Variants in FCHSD2 observed in about 807,000 individuals in gnomAD.
FCHSD2 encodes the protein FCH and double SH3 domains 2, also known as F-BAR and double SH3 domains protein 2.
Under a neutral mutation model 108.1 loss-of-function variants are expected in FCHSD2, and 38 were observed. The ratio of observed to expected loss-of-function variants is 0.35; its 90% confidence interval spans 0.27 to 0.46. FCHSD2 has a LOEUF of 0.46. Among genes scored for constraint, FCHSD2 ranks in the 20% least tolerant of loss-of-function variants. FCHSD2 has a pLI of 1.00. For synonymous variants in FCHSD2, 279 were observed against 314.7 expected (o/e 0.89, Z 1.20); for missense variants, 751 against 897.8 (o/e 0.84, Z 2.09).
intron 9 of FCHSD2, 41 bp downstream of exon 9, chr11:72,921,787 T>C (rs771131779): frequency 6.4e-7 from 1 of 1,555,738 alleles, no homozygotes; most frequent in South Asian, 1.1e-5. Flanking sequence ...CTTTAGCTTC[T>C]AAGTTGGATA....
intron 10 of FCHSD2, among the ~76,000 whole-genome samples, chr11:72,893,792 A>G: frequency 6.6e-6 from 1 of 152,320 alleles, no homozygotes; most frequent in South Asian, 2.1e-4. Context: ...AAATATTACA[A>G]TAAAGTCTTT....
intron 3 of FCHSD2, among the ~76,000 whole-genome samples, chr11:73,051,379 T>C (rs992190876): frequency 4.6e-5 from 7 of 152,180 alleles, no homozygotes; most frequent in Admixed American, 2.0e-4. Context: ...TAATCTGTCA[T>C]TGTGTCATTT....
rs1856907767 is a variant in FCHSD2, at chr11:72,966,407, G to A, written c.705+17681C>T. On this transcript the variant is annotated intron_variant, in intron 8 of 19. Coordinates refer to ENST00000409418, the MANE Select transcript of FCHSD2 (RefSeq NM_014824.3). ...ACTCCTGATCTCAAGTGATCCTCCT[G>A]CTTCGGCTTCCCAAAGTGCTGGGAT... Among the ~76,000 whole-genome samples the A allele has an allele frequency of 2.6e-5, 4 of 152,114 alleles. No homozygotes were observed. In the South Asian group the frequency reaches 8.3e-4, roughly 32 times the overall value.
chr11:73,008,460 G>A (rs1481384480), intron 4 of FCHSD2, among the ~76,000 whole-genome samples: 3 of 152,164 alleles, frequency 2.0e-5, no homozygotes, highest in African/African-American at 7.2e-5. Flanking sequence ...AGTAGAAAGG[G>A]AGAATATCCT....
intron 3 of FCHSD2, among the ~76,000 whole-genome samples, chr11:73,033,206 T>G (rs998324355): frequency 6.6e-6 from 1 of 150,474 alleles, no homozygotes; most frequent in Non-Finnish European, 1.5e-5. Flanking sequence ...GAGAATGGCA[T>G]AAACCCGGGA....
At chr11:72,999,500 A>C (rs1377308167) in intron 5 of FCHSD2, among the ~76,000 whole-genome samples, 1 of 151,698 alleles carries the variant, frequency 6.6e-6, no homozygotes, top group Non-Finnish European at 1.5e-5. Context: ...TTGTATTTTT[A>C]GTAGAGATGG....
chr11:73,047,369 A>G (rs1193728849), intron 3 of FCHSD2, among the ~76,000 whole-genome samples: 4 of 152,202 alleles, frequency 2.6e-5, no homozygotes, highest in Non-Finnish European at 5.9e-5. Context: ...ATTCAAGGTT[A>G]TAAGAAAAAA....
chr11:73,141,166 C>T, intron 1 of FCHSD2: 1 of 152,518 alleles, frequency 6.6e-6, no homozygotes, highest in Non-Finnish European at 1.5e-5. Flanking sequence ...CCGGGTGCAT[C>T]CGTCACTCCC....
At chr11:72,949,093 G>T (rs931596765) in intron 8 of FCHSD2, among the ~76,000 whole-genome samples, 1 of 152,268 alleles carries the variant, frequency 6.6e-6, no homozygotes, top group South Asian at 2.1e-4. Flanking sequence ...GTGGCTTTTA[G>T]TATATTCACA....
At chr11:72,957,763 T>C (rs1444180432) in intron 8 of FCHSD2, among the ~76,000 whole-genome samples, 1 of 151,978 alleles carries the variant, frequency 6.6e-6, no homozygotes, top group Non-Finnish European at 1.5e-5. Flanking sequence ...ATGTTCACGA[T>C]TTGCTCTCAA....
intron 2 of FCHSD2, among the ~76,000 whole-genome samples, chr11:73,131,791 G>T (rs752253589): frequency 6.6e-6 from 1 of 151,778 alleles, no homozygotes; most frequent in Non-Finnish European, 1.5e-5. Context: ...AGAAAAAAAT[G>T]CTGCCAATTA....
intron 3 of FCHSD2, among the ~76,000 whole-genome samples, chr11:73,016,747 T>C (rs999654572): frequency 2.0e-5 from 3 of 152,242 alleles, no homozygotes; most frequent in Non-Finnish European, 4.4e-5. Flanking sequence ...TCTTTTTAAA[T>C]GATACCATGA....
chr11:72,863,381 C>T (rs1211966535), intron 13 of FCHSD2, among the ~76,000 whole-genome samples: 1 of 152,004 alleles, frequency 6.6e-6, no homozygotes, highest in Non-Finnish European at 1.5e-5. Context: ...AAATGTAAAA[C>T]CTAAAACTAT....
At position 73,097,617 on chromosome 11, in the gene FCHSD2, T is replaced by C. The variant is rs1225415422; in HGVS notation, c.120-13877A>G. ...CCTATTATTTCTTGTGAGGTGTTCT[T>C]TTTTTTTTTTTTTTTTCTAATTACT... On this transcript the variant is annotated intron_variant, in intron 2 of 19. Coordinates refer to ENST00000409418, the MANE Select transcript of FCHSD2 (RefSeq NM_014824.3). 3.7e-5 allele frequency among the ~76,000 whole-genome samples: 5 copies of C among 136,448 alleles called. No individual in the cohort carries two copies. In the East Asian group the frequency reaches 9.9e-4, roughly 27 times the overall value. 89.5% of individuals were successfully genotyped at this position (136,448 alleles called of 152,430 possible). A position where few individuals can be genotyped will look rare whatever the true frequency, so the allele number is the denominator to read the frequency against.
At chr11:72,983,050 T>G (rs1857243719) in intron 8 of FCHSD2, among the ~76,000 whole-genome samples, 1 of 151,904 alleles carries the variant, frequency 6.6e-6, no homozygotes, top group Non-Finnish European at 1.5e-5. Context: ...ATCCCAGCAC[T>G]TTGGGAGGCT....
intron 8 of FCHSD2, among the ~76,000 whole-genome samples, chr11:72,968,211 C>A (rs1856949486): frequency 1.3e-5 from 2 of 152,052 alleles, no homozygotes; most frequent in East Asian, 3.8e-4. Flanking sequence ...ATGTAGGGTA[C>A]AATGTAGATG....
chr11:73,051,333 A>G (rs1374322909), intron 3 of FCHSD2, among the ~76,000 whole-genome samples: 4 of 152,302 alleles, frequency 2.6e-5, no homozygotes, highest in Non-Finnish European at 5.9e-5. Flanking sequence ...AAAAAAATAA[A>G]AAATTTAAAT....
chr11:73,061,616 G>C (rs1323219226), intron 3 of FCHSD2, among the ~76,000 whole-genome samples: 1 of 152,206 alleles, frequency 6.6e-6, no homozygotes, highest in East Asian at 1.9e-4. Context: ...GGACGCTCGA[G>C]CTTGGTGTGG....
At chr11:73,006,452 C>A (rs529620398) in intron 4 of FCHSD2, among the ~76,000 whole-genome samples, 1 of 152,308 alleles carries the variant, frequency 6.6e-6, no homozygotes, top group African/African-American at 2.4e-5. Flanking sequence ...ATTTGTCTAT[C>A]ATATCTGCTC....
Sources: gnomAD v4.1 joint callset for allele counts (sites outside exome capture counted in the v4.1 genomes callset) on GRCh38, gnomAD v4.1.1 for gene constraint, MANE v1.5 for transcripts, NCBI Gene and HGNC (gene_info 2026-07-23, HGNC 2026-07-21) for gene names.